Variants in INSR observed in about 807,000 individuals in gnomAD.
INSR encodes the protein insulin receptor.
Under a neutral mutation model 142.6 loss-of-function variants are expected in INSR, and 67 were observed. The ratio of observed to expected loss-of-function variants is 0.47; its 90% CI spans 0.39 to 0.58. The LOEUF (loss-of-function observed/expected upper bound fraction) is 0.58, where lower values mean the gene tolerates loss of function less well. Ranked by LOEUF, INSR falls within the 20% of genes least tolerant of loss-of-function variation. INSR has a pLI of 0.00. For missense variants in INSR, 1,248 were observed against 1,833.2 expected, an observed-to-expected ratio of 0.68 and a Z score of 5.83; for synonymous variants, 756 against 743.1, an observed-to-expected ratio of 1.02 and a Z score of -0.28.
At chr19:7,251,864 T>C (rs1328971969) in intron 2 of INSR, among the ~76,000 whole-genome samples, 2 of 152,086 alleles carry the variant, frequency 1.3e-5, no homozygotes, top group African/African-American at 4.8e-5. Flanking sequence ...TGTAATAAGA[T>C]AGAATTTTTT....
intron 1 of INSR, among the ~76,000 whole-genome samples, chr19:7,275,667 A>T (rs1380840318): frequency 6.6e-6 from 1 of 151,820 alleles, no homozygotes; most frequent in Admixed American, 6.6e-5. Flanking sequence ...CATGCCTGTA[A>T]TCCCAGCTAC....
At chr19:7,281,201 T>A (rs10409516) in intron 1 of INSR, among the ~76,000 whole-genome samples, 1 of 152,050 alleles carries the variant, frequency 6.6e-6, no homozygotes, top group Non-Finnish European at 1.5e-5. Context: ...GACCAGAAAG[T>A]CACTTTGTAA....
chr19:7,290,020 A>G (rs1968449212), intron 1 of INSR, among the ~76,000 whole-genome samples: 1 of 152,126 alleles, frequency 6.6e-6, no homozygotes, highest in South Asian at 2.1e-4. Flanking sequence ...TGAGGTGGGG[A>G]GCCCTGGGGA....
At chr19:7,229,943 T>C (rs1975917918) in intron 2 of INSR, among the ~76,000 whole-genome samples, 1 of 152,042 alleles carries the variant, frequency 6.6e-6, no homozygotes, top group Non-Finnish European at 1.5e-5. Flanking sequence ...TTTTTCTTTT[T>C]CTTTTTTTTG....
chr19:7,114,727 T>A lies in INSR; in HGVS notation c.*2329A>T, dbSNP rs548401085. ...CTGTTTATTTTTCTTTGATAAAAAT[T>A]TACATGCGCTCCATTTTTTATGAGA... On this transcript the variant is annotated 3_prime_UTR_variant, in exon 22 of 22. Coordinates refer to ENST00000302850, the MANE Select transcript of INSR (RefSeq NM_000208.4). 1 of 152,740 alleles carries A rather than the reference T, an allele frequency of 6.5e-6. No individual in the cohort carries two copies. Among genetic ancestry groups the A allele is most frequent in the African/African-American group, 2.4e-5 (1 of 41,566 alleles). The allele number at this position is 152,740 out of a possible 1,614,324, so 9.5% of individuals were successfully genotyped here.
intron 6 of INSR, among the ~76,000 whole-genome samples, chr19:7,169,304 T>C (rs1973958288): frequency 6.6e-6 from 1 of 151,990 alleles, no homozygotes; most frequent in Non-Finnish European, 1.5e-5. Context: ...GCGTGGTGAC[T>C]CACACCTGTA....
intron 2 of INSR, among the ~76,000 whole-genome samples, chr19:7,229,332 A>AGATGGATG (rs1162772377): frequency 0.014 from 1,130 of 81,722 alleles, 12 homozygotes; most frequent in Admixed American, 0.019. Flanking sequence ...ATGGATGGAT[A>AGATGGATG]GATGGATGGA....
At chr19:7,291,128 C>T (rs1968483592) in intron 1 of INSR, among the ~76,000 whole-genome samples, 1 of 151,910 alleles carries the variant, frequency 6.6e-6, no homozygotes, top group African/African-American at 2.4e-5. Flanking sequence ...AAGTTCTTTG[C>T]CCCTCCCCAA....
chr19:7,279,473 G>A (rs1430834608), intron 1 of INSR, among the ~76,000 whole-genome samples: 2 of 149,666 alleles, frequency 1.3e-5, no homozygotes, highest in East Asian at 2.0e-4. Context: ...AGGAGGGATC[G>A]TCAATGAGCC....
In INSR at chr19:7,209,996, C is replaced by T. The variant is rs544951583; in HGVS notation, c.653-25359G>A. Among the ~76,000 whole-genome samples the T allele has an allele frequency of 5.9e-5, 9 of 152,112 alleles. No individual in the cohort carries two copies. The South Asian group carries it at 1.0e-3, about 18-fold the overall frequency. On this transcript the variant is annotated intron_variant, in intron 2 of 21. Coordinates refer to ENST00000302850, the MANE Select transcript of INSR (RefSeq NM_000208.4). Reference sequence around the variant, plus strand: ...GTTGAATAAGTAAATTCCAAATGAACGTGACCACAGAAGAAACAGAGATTC... The same window carrying T: ...GTTGAATAAGTAAATTCCAAATGAATGTGACCACAGAAGAAACAGAGATTC...
chr19:7,243,139 C>T (rs1404563697), intron 2 of INSR, among the ~76,000 whole-genome samples: 3 of 150,362 alleles, frequency 2.0e-5, no homozygotes, highest in Non-Finnish European at 2.9e-5. Flanking sequence ...GTGGTTCTAA[C>T]GTGACACAGC....
At chr19:7,129,226 C>T (rs1222784445) in intron 14 of INSR, among the ~76,000 whole-genome samples, 1 of 152,212 alleles carries the variant, frequency 6.6e-6, no homozygotes, top group East Asian at 1.9e-4. Flanking sequence ...CATTTCCATC[C>T]CTCCCACATC....
chr19:7,183,952 G>A (rs1050410758), intron 3 of INSR, among the ~76,000 whole-genome samples: 10 of 151,768 alleles, frequency 6.6e-5, no homozygotes, highest in African/African-American at 2.4e-4. Flanking sequence ...CCAGCTGCTT[G>A]GGAGGCTGAG....
In INSR at chr19:7,168,930, C is replaced by A. The variant is rs1359374128; in HGVS notation, c.1484-836G>T. ...TTGCACTACATTTTGACATAAGTAA[C>A]TAACTCCCCATGAAGGTATCCCAGA... On this transcript the variant is annotated intron_variant, in intron 6 of 21. Transcript: ENST00000302850. This position sits in a 1 kb window ranked among gnomAD's most constrained non-coding sequence, Gnocchi z 4.3. 6.6e-6 allele frequency among the ~76,000 whole-genome samples: 1 copy of A among 152,138 alleles called. No homozygotes were observed. Among genetic ancestry groups the A allele is most frequent in the Non-Finnish European group, 1.5e-5 (1 of 68,016 alleles).
intron 9 of INSR, among the ~76,000 whole-genome samples, chr19:7,160,911 G>T (rs1004210455): frequency 6.7e-6 from 1 of 149,688 alleles, no homozygotes; most frequent in South Asian, 2.1e-4. Context: ...CACAAGAATC[G>T]CTTGAACCCA....
chr19:7,274,152 T>C (rs951148490), intron 1 of INSR, among the ~76,000 whole-genome samples: 28 of 152,022 alleles, frequency 1.8e-4, no homozygotes, highest in African/African-American at 4.3e-4. Context: ...GTGATGGTTT[T>C]AGAATGAAAC....
At chr19:7,184,269 G>A (rs753550729) in intron 3 of INSR, 47 bp downstream of exon 3, 14 of 1,555,330 alleles carry the variant, frequency 9.0e-6, no homozygotes, top group South Asian at 5.6e-5. Flanking sequence ...CCAACCCCAC[G>A]TTCCTTCTCC....
At position 7,125,498 on chromosome 19, in the gene INSR, C is replaced by T. The variant is rs147176789; in HGVS notation, c.3043G>A (p.Glu1015Lys). The part of the protein sequence containing the change: ...VFPCSVYVPD[E>K]WEVSREKITL... ...ATCTTCTCTCGAGACACCTCCCACT[C>T]GTCCGGCACGTACACAGAGCATGGA... Residue 1015 changes from glutamate to lysine, a missense_variant, in exon 17 of 22, where the codon GAG becomes AAG. Physicochemically the swap from Glu to Lys is moderately conservative, Grantham distance 56. Transcript: ENST00000302850. The surrounding 1 kb of genome is among the most constrained non-coding windows in gnomAD (Gnocchi z 4.9). 5.6e-6 allele frequency: 9 copies of T among 1,613,870 alleles called. No individual in the cohort carries two copies. The highest frequency in any genetic ancestry group is 5.5e-5 in the South Asian group (5 of 91,090).
intron 5 of INSR, among the ~76,000 whole-genome samples, chr19:7,171,881 AT>A (rs1974022115): frequency 6.7e-6 from 1 of 148,202 alleles, no homozygotes; most frequent in South Asian, 2.1e-4. Flanking sequence ...TTTTTATTTG[AT>A]TTTTAAAAAA....
Sources: allele counts gnomAD v4.1 joint callset (sites outside exome capture counted in the v4.1 genomes callset), GRCh38; gene constraint gnomAD v4.1.1; non-coding constraint Gnocchi (gnomAD v3.1); transcripts MANE v1.5; gene names NCBI Gene and HGNC (gene_info 2026-07-23, HGNC 2026-07-21).